VGLL4: variants seen among roughly 807,000 people sequenced by gnomAD.
VGLL4 encodes the protein vestigial like family member 4, also known as transcription cofactor vestigial-like protein 4.
In VGLL4, 7 loss-of-function variants were observed where a neutral mutation model predicts 21.0. The observed-to-expected ratio is 0.33, with a 90% CI of 0.19 to 0.63. The LOEUF (loss-of-function observed/expected upper bound fraction) is 0.63, where lower values mean the gene tolerates loss of function less well. Among genes scored for constraint, VGLL4 ranks in the 20% least tolerant of loss-of-function variants. VGLL4 has a pLI of 0.78. For missense variants in VGLL4, 394 were observed against 425.7 expected (o/e 0.93, Z 0.66); for synonymous variants, 222 against 173.2 (o/e 1.28, Z -2.21).
intron 2 of VGLL4, among the ~76,000 whole-genome samples, chr3:11,582,846 A>G (rs1436278775): frequency 3.9e-5 from 6 of 152,176 alleles, no homozygotes; most frequent in African/African-American, 9.7e-5. Context: ...CCTGCACTGT[A>G]GGAAGCAACT....
chr3:11,562,962 C>T (rs2073159495), intron 3 of VGLL4, among the ~76,000 whole-genome samples: 2 of 152,244 alleles, frequency 1.3e-5, no homozygotes. Flanking sequence ...GGCAGCCAGG[C>T]CCATTCCAGG....
At chr3:11,644,963 G>A, upstream of VGLL4, among the ~76,000 whole-genome samples, 1 of 151,856 alleles carries the variant, frequency 6.6e-6, no homozygotes, top group Admixed American at 6.6e-5. Context: ...TGAAATTATA[G>A]AGGGAAAGGG....
At chr3:11,664,691 C>T (rs929566177) in intron 2 of VGLL4, among the ~76,000 whole-genome samples, 1 of 152,156 alleles carries the variant, frequency 6.6e-6, no homozygotes, top group Non-Finnish European at 1.5e-5. Context: ...CATTTACATT[C>T]TTGAATATTC....
At chr3:11,697,125 G>A (rs866626608) in intron 2 of VGLL4, among the ~76,000 whole-genome samples, 14 of 152,098 alleles carry the variant, frequency 9.2e-5, no homozygotes, top group African/African-American at 3.4e-4. Context: ...TTTTGAGATG[G>A]GGTCTTGCTC....
intron 1 of VGLL4, among the ~76,000 whole-genome samples, chr3:11,639,992 A>G (rs2075659338): frequency 6.6e-6 from 1 of 152,026 alleles, no homozygotes; most frequent in South Asian, 2.1e-4. Context: ...AACTAAATCA[A>G]CTCTCTGAAA....
intron 2 of VGLL4, among the ~76,000 whole-genome samples, chr3:11,581,798 C>G (rs2074235143): frequency 6.6e-6 from 1 of 152,034 alleles, no homozygotes; most frequent in Non-Finnish European, 1.5e-5. Flanking sequence ...AAATGTTAAA[C>G]CTAAAACATA....
rs1378729535 is a variant in VGLL4, at chr3:11,564,816, G to A, written c.476C>T (p.Thr159Ile). 1.0e-5 allele frequency: 16 copies of A among 1,576,942 alleles called. No individual in the cohort carries two copies. Among genetic ancestry groups the A allele is most frequent in the South Asian group, 1.1e-5 (1 of 87,534 alleles). ...GCCCACCTGCTGCCGCTCCCCCGGG[G>A]TCAGTGTGGGCGAGAGGCCGGCTGG... is the stretch of plus-strand genomic sequence containing the variant. ...SRPAGLSPTLTPGERQQNRPS... is the reference protein window; with the variant it reads ...SRPAGLSPTLIPGERQQNRPS... Residue 159 changes from threonine to isoleucine, a missense_variant, in exon 3 of 5, where the codon ACC becomes ATC. Thr to Ile is a moderately conservative substitution (Grantham distance 89, BLOSUM62 -1). Transcript: ENST00000430365.
In VGLL4 at chr3:11,558,472, A is replaced by G. The variant is rs979292945; in HGVS notation, c.*84T>C. On this transcript the variant is annotated 3_prime_UTR_variant, in exon 5 of 5. Transcript: ENST00000430365. ...CTTCCCTTCCCCCCACCCCACCCCC[A>G]TGATTTTTTTTTTTTTAAGTACTGA... 47 of 650,606 alleles carry G rather than the reference A, an allele frequency of 7.2e-5. No individual in the cohort carries two copies. The highest frequency in any genetic ancestry group is 9.6e-5 in the East Asian group (2 of 20,776). 40.3% of individuals were successfully genotyped at this position (650,606 alleles called of 1,614,324 possible).
At chr3:11,659,571 G>A (rs2076008512) in intron 2 of VGLL4, among the ~76,000 whole-genome samples, 1 of 151,632 alleles carries the variant, frequency 6.6e-6, no homozygotes, top group Non-Finnish European at 1.5e-5. Flanking sequence ...GACCTTGGGT[G>A]ATCCCCCCCG....
intron 1 of VGLL4, among the ~76,000 whole-genome samples, chr3:11,622,689 T>C (rs2075284551): frequency 6.6e-6 from 1 of 152,262 alleles, no homozygotes; most frequent in African/African-American, 2.4e-5. Context: ...GACATTTATA[T>C]TTCACGATTA....
intron 1 of VGLL4, among the ~76,000 whole-genome samples, chr3:11,641,702 T>A (rs1249359771): frequency 1.3e-5 from 2 of 152,112 alleles, no homozygotes; most frequent in East Asian, 3.9e-4. Flanking sequence ...TTCAGCCCAT[T>A]ATCCCATATA....
intron 1 of VGLL4, among the ~76,000 whole-genome samples, chr3:11,631,518 T>C (rs1028026009): frequency 6.6e-6 from 1 of 152,188 alleles, no homozygotes; most frequent in Non-Finnish European, 1.5e-5. Context: ...CTTAAACAGC[T>C]GTCTGCCTTA....
chr3:11,594,034 C>T (rs987261486), intron 2 of VGLL4, among the ~76,000 whole-genome samples: 34 of 152,328 alleles, frequency 2.2e-4, no homozygotes, highest in African/African-American at 6.0e-4. Context: ...GATGCCTGCT[C>T]CAACGGGAAC....
At chr3:11,634,560 C>T (rs75704833) in intron 1 of VGLL4, among the ~76,000 whole-genome samples, 2,520 of 152,248 alleles carry the variant, frequency 0.017, 77 homozygotes, top group African/African-American at 0.057. Context: ...GCTCATCAGC[C>T]TGCGTCACCC....
intron 1 of VGLL4, among the ~76,000 whole-genome samples, chr3:11,628,355 G>T (rs1159017971): frequency 4.7e-5 from 7 of 150,356 alleles, no homozygotes. Context: ...GCCATTGCAA[G>T]CCAGCCTGGG....
intron 2 of VGLL4, among the ~76,000 whole-genome samples, chr3:11,666,938 G>A (rs2076136237): frequency 6.6e-6 from 1 of 152,104 alleles, no homozygotes; most frequent in South Asian, 2.1e-4. Flanking sequence ...CCCCTCTCCA[G>A]CCTCCTTCCT....
At chr3:11,656,118 T>C (rs993997704) in intron 2 of VGLL4, among the ~76,000 whole-genome samples, 2 of 152,162 alleles carry the variant, frequency 1.3e-5, no homozygotes, top group African/African-American at 4.8e-5. Context: ...CAAAGTATGA[T>C]TTCCTGAAGC....
rs750488972 is a variant in VGLL4 at position 11,558,787 on chromosome 3, G to T, written c.660C>A (p.Arg220=). The part of the protein sequence containing the change: ...TCDPVVEEHF[R]RSLGKNYKEP... Reference sequence around the variant, plus strand: ...CCTTGTAATTCTTGCCCAGGCTCCTGCGGAAATGCTCCTCCACCACGGGGT... The same window carrying T: ...CCTTGTAATTCTTGCCCAGGCTCCTTCGGAAATGCTCCTCCACCACGGGGT... The change falls in exon 5 of 5, where the codon CGC becomes CGA. Residue 220 remains arginine, a synonymous_variant. Transcript: ENST00000430365. The T allele has an allele frequency of 6.2e-7, 1 of 1,613,880 alleles. No individual in the cohort carries two copies. The highest frequency in any genetic ancestry group is 1.1e-5 in the South Asian group (1 of 91,078).
At chr3:11,582,397 G>A (rs756779565) in intron 2 of VGLL4, 2 of 1,549,104 alleles carry the variant, frequency 1.3e-6, no homozygotes, top group Non-Finnish European at 1.7e-6. Context: ...TGGATGGGCG[G>A]GCGCTTGTCA....
Sources: allele counts gnomAD v4.1 joint callset (sites outside exome capture counted in the v4.1 genomes callset), GRCh38; gene constraint gnomAD v4.1.1; transcripts MANE v1.5; gene names NCBI Gene and HGNC (gene_info 2026-07-23, HGNC 2026-07-21).